Variants in PTPRG observed in about 807,000 individuals in gnomAD.
The protein encoded by PTPRG is receptor-type tyrosine-protein phosphatase gamma.
Under a neutral mutation model 165.3 loss-of-function variants are expected in PTPRG, and 102 were observed. That is an observed-to-expected ratio of 0.62 (90% CI 0.53 to 0.73). The LOEUF (loss-of-function observed/expected upper bound fraction) is 0.73. PTPRG is among the 30% of genes least tolerant of loss of function. The pLI is 0.00. For missense variants in PTPRG, 1,866 were observed against 1,861.4 expected (o/e 1.00, Z -0.05); for synonymous variants, 675 against 669.5 (o/e 1.01, Z -0.13).
At chr3:61,919,093 T>A (rs1301613523) in intron 2 of PTPRG, among the ~76,000 whole-genome samples, 1 of 152,204 alleles carries the variant, frequency 6.6e-6, no homozygotes, top group African/African-American at 2.4e-5. Flanking sequence ...CATTGATGCT[T>A]GTAATTCCTG....
chr3:62,260,409 G>A (rs987495285), intron 16 of PTPRG, among the ~76,000 whole-genome samples: 1 of 152,116 alleles, frequency 6.6e-6, no homozygotes, highest in African/African-American at 2.4e-5. Context: ...ATGACTGTAG[G>A]TAGGAAGTGA....
chr3:61,982,457 C>T (rs183441769), intron 2 of PTPRG, among the ~76,000 whole-genome samples: 1 of 152,194 alleles, frequency 6.6e-6, no homozygotes, highest in East Asian at 1.9e-4. Flanking sequence ...CCCAGATACA[C>T]CTAAACATGC....
intron 7 of PTPRG, among the ~76,000 whole-genome samples, chr3:62,158,187 G>T (rs1025720591): frequency 6.6e-6 from 1 of 152,188 alleles, no homozygotes; most frequent in African/African-American, 2.4e-5. Context: ...AACCATCCAG[G>T]CAGTGAGAGG....
intron 2 of PTPRG, among the ~76,000 whole-genome samples, chr3:61,805,206 G>A (rs531734194): frequency 1.3e-5 from 2 of 152,244 alleles, no homozygotes; most frequent in African/African-American, 2.4e-5. Flanking sequence ...AATGTTTGGA[G>A]ACATTTTTGG....
chr3:61,662,369 T>C (rs764018988), intron 1 of PTPRG, among the ~76,000 whole-genome samples: 1 of 152,166 alleles, frequency 6.6e-6, no homozygotes, highest in East Asian at 1.9e-4. Context: ...TTGTGAGGAA[T>C]GGAGGCCTCC....
intron 5 of PTPRG, among the ~76,000 whole-genome samples, chr3:62,093,215 C>T (rs370343307): frequency 1.2e-3 from 183 of 152,304 alleles, no homozygotes; most frequent in African/African-American, 4.2e-3. Context: ...TGCCCTCCAT[C>T]CCGGCTCCTA....
chr3:61,639,524 G>A (rs960642312), intron 1 of PTPRG, among the ~76,000 whole-genome samples: 1 of 152,134 alleles, frequency 6.6e-6, no homozygotes, highest in African/African-American at 2.4e-5. Flanking sequence ...TAACGATATT[G>A]ATTCTTCCAA....
At chr3:62,179,181 T>C (rs1705554971) in intron 8 of PTPRG, among the ~76,000 whole-genome samples, 1 of 152,182 alleles carries the variant, frequency 6.6e-6, no homozygotes. Flanking sequence ...TCCCTGCCCC[T>C]GAAGCCTGAA....
chr3:61,834,208 C>T (rs1024969017), intron 2 of PTPRG, among the ~76,000 whole-genome samples: 1 of 152,162 alleles, frequency 6.6e-6, no homozygotes, highest in Non-Finnish European at 1.5e-5. Flanking sequence ...CAAAAAGTCT[C>T]TTGTGGTTGC....
intron 2 of PTPRG, among the ~76,000 whole-genome samples, chr3:61,939,015 A>G (rs952374365): frequency 6.6e-6 from 1 of 152,216 alleles, no homozygotes; most frequent in Non-Finnish European, 1.5e-5. Context: ...GCAGTTCAGC[A>G]TAAATCTGTG....
At chr3:62,277,183 T>C in intron 25 of PTPRG, 135 bp downstream of exon 25, 2 of 727,952 alleles carry the variant, frequency 2.7e-6, no homozygotes, top group Non-Finnish European at 4.4e-6. Context: ...GAGATTTCTG[T>C]ATCTTGAAAC....
intron 8 of PTPRG, among the ~76,000 whole-genome samples, chr3:62,176,446 A>G (rs966374675): frequency 6.6e-6 from 1 of 152,194 alleles, no homozygotes; most frequent in African/African-American, 2.4e-5. Flanking sequence ...AGGGACCGCC[A>G]TCTTCCACAA....
At chr3:62,014,993 A>G (rs2041506797) in intron 4 of PTPRG, among the ~76,000 whole-genome samples, 2 of 152,232 alleles carry the variant, frequency 1.3e-5, no homozygotes, top group Non-Finnish European at 2.9e-5. Context: ...GTCCTGAGAC[A>G]TATTCCAGGG....
rs182679921 is a variant in PTPRG at position 61,889,905 on chromosome 3, A to C, written c.191-99720A>C. Among the ~76,000 whole-genome samples the C allele has an allele frequency of 4.0e-3, 614 of 152,292 alleles. 3 individuals are homozygous for C. Among genetic ancestry groups the C allele is most frequent in the African/African-American group, 0.014 (573 of 41,552 alleles). On this transcript the variant is annotated intron_variant, in intron 2 of 29. Transcript: ENST00000474889. ...AAAAACACCAACTTATAATACAGAG[A>C]CATACCTGCAAACAAGAATGTCAGA...
chr3:61,819,184 A>C (rs2035882971), intron 2 of PTPRG, among the ~76,000 whole-genome samples: 1 of 152,154 alleles, frequency 6.6e-6, no homozygotes, highest in Non-Finnish European at 1.5e-5. Context: ...GTGAACCATG[A>C]ATTTTATAAC....
intron 1 of PTPRG, among the ~76,000 whole-genome samples, chr3:61,649,146 A>G (rs2886511): frequency 0.98 from 145,730 of 149,312 alleles, 71,141 homozygotes; most frequent in East Asian, 1. Context: ...TTCCCTTTTC[A>G]CTTCCCTCCC....
chr3:62,091,951 T>G (rs906509110), intron 5 of PTPRG, among the ~76,000 whole-genome samples: 1 of 152,030 alleles, frequency 6.6e-6, no homozygotes, highest in African/African-American at 2.4e-5. Context: ...GTTCATTTCC[T>G]TTGCAATGTT....
chr3:62,193,042 C>A (rs185693959), intron 9 of PTPRG, among the ~76,000 whole-genome samples: 22 of 152,278 alleles, frequency 1.4e-4, no homozygotes, highest in Admixed American at 7.2e-4. Context: ...GAATGATGAG[C>A]TTCGTGAAAT....
intron 1 of PTPRG, among the ~76,000 whole-genome samples, 157 bp from the exon 2 acceptor site, chr3:61,748,721 C>G (rs1159649395): frequency 9.0e-6 from 1 of 110,958 alleles, no homozygotes; most frequent in African/African-American, 3.4e-5. Context: ...CTGGACTTTC[C>G]TATAGTTTTT....
Sources: allele counts gnomAD v4.1 joint callset (sites outside exome capture counted in the v4.1 genomes callset), GRCh38; gene constraint gnomAD v4.1.1; transcripts MANE v1.5; gene names NCBI Gene and HGNC (gene_info 2026-07-23, HGNC 2026-07-21).